The following STK31 variants were observed in gnomAD, a reference collection of about 807,000 sequenced individuals.
STK31 encodes the protein serine/threonine kinase 31.
STK31 carries 89 observed loss-of-function variants against 129.7 expected under a neutral mutation model. The ratio of observed to expected loss-of-function variants is 0.69; its 90% CI spans 0.58 to 0.82. STK31 has a LOEUF of 0.82. Among genes scored for constraint, STK31 ranks in the 40% least tolerant of loss-of-function variants. The pLI is 0.00. For missense variants in STK31, 1,187 were observed against 1,176.4 expected (o/e 1.01, Z -0.13); for synonymous variants, 448 against 395.3 (o/e 1.13, Z -1.58).
intron 22 of STK31, among the ~76,000 whole-genome samples, chr7:23,799,853 A>G (rs1307947302): frequency 6.6e-6 from 1 of 152,238 alleles, no homozygotes; most frequent in African/African-American, 2.4e-5. Context: ...ACAAAGGTCT[A>G]GTATCCATAA....
At chr7:23,724,612 C>T (rs1562549911) in intron 4 of STK31, among the ~76,000 whole-genome samples, 1 of 152,192 alleles carries the variant, frequency 6.6e-6, no homozygotes, top group Non-Finnish European at 1.5e-5. Context: ...GATGTTATTA[C>T]AAAGCCTTAA....
chr7:23,803,608 G>T (rs530646055), intron 22 of STK31, among the ~76,000 whole-genome samples: 21 of 152,156 alleles, frequency 1.4e-4, no homozygotes, highest in African/African-American at 4.6e-4. Context: ...ATTAGGTTTG[G>T]GGGTACATAT....
chr7:23,792,757 C>T (rs1170101065), intron 22 of STK31, among the ~76,000 whole-genome samples: 4 of 152,118 alleles, frequency 2.6e-5, no homozygotes, highest in Non-Finnish European at 5.9e-5. Flanking sequence ...AGTGGTGGTT[C>T]AAAACTGTAA....
intron 20 of STK31, among the ~76,000 whole-genome samples, chr7:23,787,404 G>C (rs139387748): frequency 2.4e-3 from 362 of 152,170 alleles, no homozygotes; most frequent in Non-Finnish European, 3.9e-3. Flanking sequence ...TCTTCTTTGA[G>C]ATGATAGAAC....
chr7:23,822,217 T>G (rs899724889), intron 23 of STK31, among the ~76,000 whole-genome samples: 18 of 152,158 alleles, frequency 1.2e-4, no homozygotes, highest in African/African-American at 4.3e-4. Flanking sequence ...TCTGTAGATT[T>G]CTTTGGGTAG....
intron 15 of STK31, among the ~76,000 whole-genome samples, chr7:23,778,746 A>G (rs1790716990): frequency 6.6e-6 from 1 of 151,856 alleles, no homozygotes; most frequent in Non-Finnish European, 1.5e-5. Flanking sequence ...CCTTTTTTCA[A>G]GGTTCTTAGC....
intron 4 of STK31, among the ~76,000 whole-genome samples, chr7:23,723,271 C>G (rs983262379): frequency 6.6e-6 from 1 of 152,152 alleles, no homozygotes; most frequent in African/African-American, 2.4e-5. Context: ...TGCCAATTCT[C>G]CTTTCTATAT....
intron 7 of STK31, 113 bp downstream of exon 7, chr7:23,736,009 G>C: frequency 1.2e-6 from 1 of 809,098 alleles, no homozygotes; most frequent in Non-Finnish European, 1.9e-6. Context: ...TGATTTTAAG[G>C]GCTGATGCTG....
intron 6 of STK31, among the ~76,000 whole-genome samples, chr7:23,730,547 A>G (rs1159317898): frequency 6.6e-6 from 1 of 152,066 alleles, no homozygotes; most frequent in South Asian, 2.1e-4. Context: ...ATAAAACTCT[A>G]AAATCTTGTT....
intron 8 of STK31, among the ~76,000 whole-genome samples, chr7:23,743,224 G>A (rs1168235780): frequency 6.6e-6 from 1 of 152,134 alleles, no homozygotes; most frequent in Non-Finnish European, 1.5e-5. Context: ...AAAGTGCTGG[G>A]ATTACAGGCG....
At chr7:23,757,623 G>GTAGA in intron 10 of STK31, among the ~76,000 whole-genome samples, 1 of 152,254 alleles carries the variant, frequency 6.6e-6, no homozygotes. Flanking sequence ...TCCTGTCTCA[G>GTAGA]TAGATAGAAC....
intron 22 of STK31, among the ~76,000 whole-genome samples, chr7:23,814,364 A>G (rs1793340222): frequency 6.6e-6 from 1 of 151,974 alleles, no homozygotes; most frequent in Non-Finnish European, 1.5e-5. Flanking sequence ...TTTAATTGCA[A>G]TGGGTGGAAC....
At chr7:23,780,080 G>T (rs1296482379) in intron 15 of STK31, among the ~76,000 whole-genome samples, 1 of 152,116 alleles carries the variant, frequency 6.6e-6, no homozygotes, top group East Asian at 1.9e-4. Context: ...GCTTCCCTTG[G>T]CTAGGAGAGC....
intron 4 of STK31, among the ~76,000 whole-genome samples, chr7:23,719,799 T>C (rs1175060484): frequency 6.6e-6 from 1 of 152,130 alleles, no homozygotes; most frequent in East Asian, 1.9e-4. Flanking sequence ...GTGGAATTAT[T>C]GGAGCTGAGA....
chr7:23,750,019 C>T (rs974484266), intron 8 of STK31, among the ~76,000 whole-genome samples: 1 of 134,354 alleles, frequency 7.4e-6, no homozygotes, highest in Non-Finnish European at 1.5e-5. Flanking sequence ...CAGGGTAGAT[C>T]TTATTAAGAA....
intron 22 of STK31, among the ~76,000 whole-genome samples, chr7:23,792,892 C>T (rs905407449): frequency 1.3e-5 from 2 of 152,104 alleles, no homozygotes; most frequent in East Asian, 1.9e-4. Context: ...GGTGTAATGG[C>T]GTGTCTGTGG....
chr7:23,797,273 C>G (rs1792031474), intron 22 of STK31, among the ~76,000 whole-genome samples: 1 of 152,182 alleles, frequency 6.6e-6, no homozygotes, highest in African/African-American at 2.4e-5. Context: ...ACCTAATAGA[C>G]ACCTACAGAA....
intron 4 of STK31, among the ~76,000 whole-genome samples, chr7:23,720,323 C>A (rs1786615232): frequency 6.6e-6 from 1 of 152,118 alleles, no homozygotes; most frequent in Non-Finnish European, 1.5e-5. Flanking sequence ...CTTAGCCCTA[C>A]CTTGTCAAAG....
intron 22 of STK31, among the ~76,000 whole-genome samples, chr7:23,796,355 G>GTTTTT (rs34355493): frequency 6.7e-6 from 1 of 149,064 alleles, no homozygotes. Flanking sequence ...AACATATCAA[G>GTTTTT]TTTTTTTTTT....
Sources: allele counts gnomAD v4.1 joint callset (sites outside exome capture counted in the v4.1 genomes callset), GRCh38; gene constraint gnomAD v4.1.1; transcripts MANE v1.5; gene names NCBI Gene and HGNC (gene_info 2026-07-23, HGNC 2026-07-21).